WDR76: variants seen among roughly 807,000 people sequenced by gnomAD.
WDR76 encodes WD repeat-containing protein 76.
WDR76 carries 52 observed loss-of-function variants against 70.2 expected under a neutral mutation model. The ratio of observed to expected loss-of-function variants is 0.74; its 90% CI spans 0.59 to 0.93. The LOEUF (loss-of-function observed/expected upper bound fraction) is 0.93, where lower values mean the gene tolerates loss of function less well. Among genes scored for constraint, WDR76 ranks in the 40% least tolerant of loss-of-function variants. WDR76 has a pLI of 0.00. For synonymous variants in WDR76, 292 were observed against 271.1 expected, an observed-to-expected ratio of 1.08 and a Z score of -0.76; for missense variants, 756 against 760.2, an observed-to-expected ratio of 0.99 and a Z score of 0.07.
intron 7 of WDR76, 27 bp from the exon 8 acceptor site, chr15:43,843,874 C>A (rs1186817805): frequency 1.3e-6 from 2 of 1,522,226 alleles, no homozygotes; most frequent in Non-Finnish European, 1.8e-6. Context: ...GTTTTACTTA[C>A]AAAATTTAAC....
intron 4 of WDR76, among the ~76,000 whole-genome samples, 161 bp downstream of exon 4, chr15:43,836,377 T>C (rs548927575): frequency 7.0e-4 from 106 of 152,314 alleles, no homozygotes; most frequent in Non-Finnish European, 1.3e-3. Context: ...TTAATAACTT[T>C]ACAATTCTCA....
In WDR76 at chr15:43,851,188, A is replaced by G. The variant is rs143002550; in HGVS notation, c.1134A>G (p.Ser378=). 1,394 of 1,614,112 alleles carry G rather than the reference A, an allele frequency of 8.6e-4. 4 individuals carry two copies. Among genetic ancestry groups the G allele is most frequent in the Non-Finnish European group, 1.0e-3 (1,228 of 1,180,004 alleles). Residue 378 remains serine (S), a synonymous_variant, in exon 9 of 13, where the codon TCA becomes TCG. Transcript: ENST00000263795. The part of the protein sequence containing the change: ...FSPANPAHIL[S]LSYDGTLRCG... ...CCGCCAATCCGGCCCACATACTGTCACTGAGCTATGATGGCACGTTACGCT... is the reference window on the plus strand; with the variant it reads ...CCGCCAATCCGGCCCACATACTGTCGCTGAGCTATGATGGCACGTTACGCT...
In WDR76 at chr15:43,866,301, C is replaced by G. The variant is rs1269029061; in HGVS notation, c.1790C>G (p.Ser597Cys). 1.2e-6 allele frequency: 2 copies of G among 1,614,006 alleles called. No individual in the cohort carries two copies. The highest frequency in any genetic ancestry group is 1.7e-6 in the Non-Finnish European group (2 of 1,180,006). The stretch of plus-strand genomic sequence containing the variant: ...GGAGAATACCTTGTCTCTGTGTGTT[C>G]CATCAATGCCATGCACCCAACTCGG... ...FGGEYLVSVC[S>C]INAMHPTRYI... is the part of the protein sequence containing the mutation. Residue 597 changes from serine (S) to cysteine (C), a missense_variant, in exon 13 of 13, where the codon TCC becomes TGC. Physicochemically the swap from Ser to Cys is moderately radical, Grantham distance 112. Transcript: ENST00000263795.
At chr15:43,859,060 A>G (rs2087965640) in intron 11 of WDR76, among the ~76,000 whole-genome samples, 1 of 152,126 alleles carries the variant, frequency 6.6e-6, no homozygotes, top group Admixed American at 6.6e-5. Flanking sequence ...TGGGGGGTTT[A>G]TGGTCTGGCT....
intron 8 of WDR76, among the ~76,000 whole-genome samples, chr15:43,846,471 G>A (rs1775018729): frequency 6.7e-6 from 1 of 148,624 alleles, no homozygotes; most frequent in African/African-American, 2.4e-5. Context: ...TTTTTGTAGA[G>A]ATGGGTCTCA....
In WDR76 at chr15:43,864,607, T is replaced by C. The variant is rs1214435650; in HGVS notation, c.1617-1521T>C. 2.0e-5 allele frequency among the ~76,000 whole-genome samples: 3 copies of C among 152,254 alleles called. No homozygotes were observed. In the East Asian group the frequency reaches 5.8e-4, roughly 29 times the overall value. ...TTTTTAATTATTTGTTTTCTTTTTT[T>C]TTTTTAAACGGAGTCTTGCTCTTGT... On this transcript the variant is annotated intron_variant, in intron 12 of 12. Coordinates refer to ENST00000263795, the MANE Select transcript of WDR76 (RefSeq NM_024908.4).
At chr15:43,862,276 C>CTT in intron 12 of WDR76, among the ~76,000 whole-genome samples, 9 of 42,170 alleles carry the variant, frequency 2.1e-4, no homozygotes, top group South Asian at 1.7e-3. Context: ...TTATCAGTTT[C>CTT]TTTTTTTTTT....
Position 43,839,747 on chromosome 15 carries a change from A to G in WDR76, c.732+19A>G. ...TGAAACTGTAAGGAAATGTGCAAAT[A>G]TAATATTTTAATGTAATAAAATACT... On this transcript the variant is annotated intron_variant, in intron 5 of 12. Coordinates refer to ENST00000263795, the MANE Select transcript of WDR76 (RefSeq NM_024908.4). 2 of 1,583,162 alleles carry G rather than the reference A, an allele frequency of 1.3e-6. No homozygotes were observed. The highest frequency in any genetic ancestry group is 1.7e-6 in the Non-Finnish European group (2 of 1,166,976).
chr15:43,842,819 CCATATACAATACCACTAGGATATAAGCTT>C (rs932807762), intron 7 of WDR76, 148 bp downstream of exon 7: 6 of 699,772 alleles, frequency 8.6e-6, no homozygotes, highest in Admixed American at 5.8e-5. Flanking sequence ...ACAAGTGTTG[CCATATACAATACCACTAGGATATAAGCTT>C]CATATACAAT....
intron 2 of WDR76, among the ~76,000 whole-genome samples, chr15:43,834,159 C>G (rs577005233): frequency 7.4e-4 from 112 of 151,978 alleles, no homozygotes; most frequent in Non-Finnish European, 1.1e-3. Context: ...TTTGCTATTT[C>G]CTGAATATAC....
intron 5 of WDR76, among the ~76,000 whole-genome samples, chr15:43,840,420 G>C (rs1306904448): frequency 6.6e-6 from 1 of 152,030 alleles, no homozygotes; most frequent in African/African-American, 2.4e-5. Context: ...TAGGGGCTTA[G>C]TAATCAATAG....
Position 43,866,236 on chromosome 15 carries a change from A to G in WDR76, c.1725A>G (p.Glu575=). 1 of 1,614,176 alleles carries G rather than the reference A, an allele frequency of 6.2e-7. No individual in the cohort carries two copies. Among genetic ancestry groups the G allele is most frequent in the Non-Finnish European group, 8.5e-7 (1 of 1,180,034 alleles). ...GCATGGCCCATCCACGACGGGTAGA[A>G]ATCTTCCATGAGACAGGAAAGAGGG... is the stretch of plus-strand genomic sequence containing the variant. ...VGSMAHPRRV[E]IFHETGKRVH... Residue 575 remains glutamate, a synonymous_variant, in exon 13 of 13, where the codon GAA becomes GAG. Transcript: ENST00000263795.
intron 12 of WDR76, among the ~76,000 whole-genome samples, chr15:43,862,272 GTTTCTTT>G (rs1437007643): frequency 1.9e-3 from 67 of 35,616 alleles, no homozygotes; most frequent in African/African-American, 6.8e-3. Flanking sequence ...CATTTTATCA[GTTTCTTT>G]TTTTTTTTTT....
Position 43,851,085 on chromosome 15 carries a change from A to G in WDR76, c.1033-2A>G, listed in dbSNP as rs1648219518. ...CTCCCCTTTCCCGCAACTCTCTTCC[A>G]GACCCAGCAACCTAAAGAAGATGGA... On this transcript the variant is annotated splice_acceptor_variant, in intron 8 of 12. Transcript: ENST00000263795. LOFTEE classifies it high-confidence loss of function. The G allele has an allele frequency of 1.2e-6, 2 of 1,613,986 alleles. No homozygotes were observed. The highest frequency in any genetic ancestry group is 3.3e-5 in the Admixed American group (2 of 59,974).
At chr15:43,842,537 T>A in intron 6 of WDR76, 21 bp downstream of exon 6, 1 of 1,610,184 alleles carries the variant, frequency 6.2e-7, no homozygotes, top group South Asian at 1.1e-5. Flanking sequence ...GGAAGGCCAA[T>A]AGCCTTTAGA....
At chr15:43,846,248 A>G (rs1385237240) in intron 8 of WDR76, among the ~76,000 whole-genome samples, 1 of 148,098 alleles carries the variant, frequency 6.8e-6, no homozygotes, top group Non-Finnish European at 1.5e-5. Flanking sequence ...GTATGGGGGT[A>G]ATGAAAGAAC....
chr15:43,850,205 A>G (rs1263612442), intron 8 of WDR76, among the ~76,000 whole-genome samples: 1 of 152,148 alleles, frequency 6.6e-6, no homozygotes, highest in Non-Finnish European at 1.5e-5. Context: ...TGGAAAGGAT[A>G]GTCCTTAGGA....
intron 4 of WDR76, among the ~76,000 whole-genome samples, chr15:43,837,794 C>G (rs77880294): frequency 6.6e-6 from 1 of 152,056 alleles, no homozygotes; most frequent in South Asian, 2.1e-4. Flanking sequence ...ACGAATACCC[C>G]TGAAGGCCCA....
At chr15:43,836,381 A>G (rs1350880364) in intron 4 of WDR76, among the ~76,000 whole-genome samples, 165 bp downstream of exon 4, 1 of 152,172 alleles carries the variant, frequency 6.6e-6, no homozygotes, top group Admixed American at 6.6e-5. Context: ...TAACTTTACA[A>G]TTCTCATCTT....
Sources: allele counts gnomAD v4.1 joint callset (sites outside exome capture counted in the v4.1 genomes callset), GRCh38; gene constraint gnomAD v4.1.1; transcripts MANE v1.5; gene names NCBI Gene and HGNC (gene_info 2026-07-23, HGNC 2026-07-21).